EFHD1: variants seen among roughly 807,000 people sequenced by gnomAD.
EFHD1 encodes the protein EF-hand domain-containing protein D1.
A neutral mutation model predicts 17.2 loss-of-function variants in EFHD1; 10 were observed. That is an observed-to-expected ratio of 0.58 (90% CI 0.36 to 0.99). The LOEUF (loss-of-function observed/expected upper bound fraction) is 0.99, where lower values mean the gene tolerates loss of function less well. EFHD1 is among the 50% of genes least tolerant of loss of function. EFHD1 has a pLI of 0.01. For missense variants in EFHD1, 310 were observed against 327.5 expected (o/e 0.95, Z 0.41); for synonymous variants, 153 against 142.0 (o/e 1.08, Z -0.55).
chr2:232,629,761 G>A (rs1694170371), upstream of EFHD1, among the ~76,000 whole-genome samples: 2 of 150,014 alleles, frequency 1.3e-5, no homozygotes, highest in African/African-American at 2.5e-5. Context: ...GAGCCACCAC[G>A]CCCGGCCAAA....
chr2:232,668,644 A>C (rs1695010281), intron 2 of EFHD1, among the ~76,000 whole-genome samples: 1 of 151,746 alleles, frequency 6.6e-6, no homozygotes, highest in African/African-American at 2.4e-5. Context: ...TTATTTATTT[A>C]TTTATTTGAG....
intron 2 of EFHD1, among the ~76,000 whole-genome samples, chr2:232,664,030 G>A (rs545388836): frequency 9.7e-4 from 147 of 151,898 alleles, no homozygotes; most frequent in South Asian, 5.4e-3. Flanking sequence ...AGCCTCAAGC[G>A]ATTCTCCTGC....
intron 1 of EFHD1, among the ~76,000 whole-genome samples, chr2:232,610,568 C>T (rs940099023): frequency 1.3e-4 from 20 of 150,786 alleles, no homozygotes; most frequent in Non-Finnish European, 1.5e-5. Context: ...AGACTCCGTC[C>T]CCCCGCCCCG....
At chr2:232,660,630 T>C (rs182778642) in intron 1 of EFHD1, among the ~76,000 whole-genome samples, 51 of 152,246 alleles carry the variant, frequency 3.3e-4, no homozygotes, top group Non-Finnish European at 1.5e-4. Flanking sequence ...TATGATACTA[T>C]ACCCAGCCTT....
intron 3 of EFHD1, among the ~76,000 whole-genome samples, chr2:232,679,076 A>G (rs149356497): frequency 1.2e-4 from 19 of 152,312 alleles, no homozygotes; most frequent in African/African-American, 4.3e-4. Context: ...GGAAAGAAAA[A>G]AAAAGTGAAA....
chr2:232,672,886 C>A (rs1289072741), intron 3 of EFHD1, among the ~76,000 whole-genome samples: 2 of 152,102 alleles, frequency 1.3e-5, no homozygotes, highest in African/African-American at 4.8e-5. Flanking sequence ...CTAAGCAGGA[C>A]TCTAAATTCT....
intron 1 of EFHD1, among the ~76,000 whole-genome samples, chr2:232,627,224 C>G (rs945639689): frequency 6.8e-6 from 1 of 147,124 alleles, no homozygotes; most frequent in Non-Finnish European, 1.5e-5. Context: ...GAATGAAACC[C>G]TGTCTTAAAA....
intron 1 of EFHD1, among the ~76,000 whole-genome samples, chr2:232,652,426 C>G (rs1044451686): frequency 4.6e-5 from 7 of 152,108 alleles, no homozygotes; most frequent in African/African-American, 1.4e-4. Flanking sequence ...TCCTACTGTA[C>G]TCGAAAGCTT....
At chr2:232,679,179 C>T (rs13399460) in intron 3 of EFHD1, among the ~76,000 whole-genome samples, 8,563 of 152,178 alleles carry the variant, frequency 0.056, 321 homozygotes, top group Middle Eastern at 0.11. Context: ...GGTTTAGAAC[C>T]TCGGGGGTTT....
At chr2:232,653,587 G>A (rs1694700101) in intron 1 of EFHD1, among the ~76,000 whole-genome samples, 1 of 152,200 alleles carries the variant, frequency 6.6e-6, no homozygotes, top group Non-Finnish European at 1.5e-5. Context: ...ACCGCTCCCG[G>A]CCTGTGGTAG....
chr2:232,655,997 G>C (rs983919142), intron 1 of EFHD1, among the ~76,000 whole-genome samples: 4 of 151,986 alleles, frequency 2.6e-5, no homozygotes, highest in African/African-American at 7.3e-5. Flanking sequence ...TAGTAGAGAT[G>C]GGGTTTCACT....
At chr2:232,678,223 G>A (rs1410122659) in intron 3 of EFHD1, among the ~76,000 whole-genome samples, 3 of 151,104 alleles carry the variant, frequency 2.0e-5, no homozygotes, top group Non-Finnish European at 2.9e-5. Context: ...CTGAGATCAC[G>A]CCATTGAGCT....
At chr2:232,662,747 T>A in intron 1 of EFHD1, 55 bp from the exon 2 acceptor site, 5 of 1,548,236 alleles carry the variant, frequency 3.2e-6, no homozygotes. Context: ...ATTACATGTT[T>A]CGGAGACTAA....
chr2:232,644,371 G>C (rs2106199780), intron 1 of EFHD1, among the ~76,000 whole-genome samples: 1 of 152,266 alleles, frequency 6.6e-6, no homozygotes, highest in South Asian at 2.1e-4. Context: ...GAGTTGCCAT[G>C]CCTTGATGGT....
intron 1 of EFHD1, among the ~76,000 whole-genome samples, chr2:232,625,991 A>G (rs1240091863): frequency 6.6e-6 from 1 of 151,472 alleles, no homozygotes; most frequent in Non-Finnish European, 1.5e-5. Context: ...AAGGTTCCAG[A>G]TCAACCTAGG....
At chr2:232,632,950 A>G (rs1694230160), upstream of EFHD1, among the ~76,000 whole-genome samples, 1 of 152,274 alleles carries the variant, frequency 6.6e-6, no homozygotes, top group Non-Finnish European at 1.5e-5. Flanking sequence ...GTTTCACGCA[A>G]AAAAACCCGA....
chr2:232,642,760 C>T (rs1694455895), intron 1 of EFHD1, among the ~76,000 whole-genome samples: 1 of 151,778 alleles, frequency 6.6e-6, no homozygotes, highest in African/African-American at 2.4e-5. Context: ...GCAGCTGTTC[C>T]CGAGGGTCAC....
chr2:232,611,305 G>T (rs1223885997), intron 1 of EFHD1, among the ~76,000 whole-genome samples: 1 of 4,018 alleles, frequency 2.5e-4, no homozygotes, highest in African/African-American at 1.9e-3. Context: ...CATCCTGGGG[G>T]TCGGGGGGGG....
chr2:232,674,905 G>A (rs1312934566), intron 3 of EFHD1, among the ~76,000 whole-genome samples: 1 of 152,132 alleles, frequency 6.6e-6, no homozygotes, highest in African/African-American at 2.4e-5. Context: ...CCCAATGTGA[G>A]GATACAGGAT....
Sources: gnomAD v4.1 joint callset for allele counts (sites outside exome capture counted in the v4.1 genomes callset) on GRCh38, gnomAD v4.1.1 for gene constraint, MANE v1.5 for transcripts, NCBI Gene and HGNC (gene_info 2026-07-23, HGNC 2026-07-21) for gene names.